Variants in ZNF799 observed in about 807,000 individuals in gnomAD.
ZNF799 encodes zinc finger protein 14.
In ZNF799, 28 loss-of-function variants were observed where a neutral mutation model predicts 41.0. That is an observed-to-expected ratio of 0.68 (90% CI 0.51 to 0.94). The LOEUF (loss-of-function observed/expected upper bound fraction) is 0.94, where lower values mean the gene tolerates loss of function less well. ZNF799 is among the 40% of genes least tolerant of loss of function. ZNF799 has a pLI of 0.00. For synonymous variants in ZNF799, 213 were observed against 252.9 expected (o/e 0.84, Z 1.50); for missense variants, 716 against 764.3 (o/e 0.94, Z 0.74).
At chr19:12,402,459 C>T (rs1298364902), upstream of ZNF799, among the ~76,000 whole-genome samples, 2 of 128,522 alleles carry the variant, frequency 1.6e-5, no homozygotes. Context: ...GCTGGGACTT[C>T]GAGTACTGTG....
chr19:12,413,380 T>C, the ZNF799 span, among the ~76,000 whole-genome samples: 4 of 152,176 alleles, frequency 2.6e-5, no homozygotes, highest in African/African-American at 9.7e-5. Flanking sequence ...AATTTGCTGG[T>C]GTGTCTTCCT....
At position 12,390,956 on chromosome 19, in the gene ZNF799, C is replaced by T. The variant is rs1228774486; in HGVS notation, c.1442G>A (p.Cys481Tyr). The T allele has an allele frequency of 1.9e-6, 3 of 1,614,164 alleles. No individual in the cohort carries two copies. The highest frequency in any genetic ancestry group is 2.5e-6 in the Non-Finnish European group (3 of 1,180,012). ...TTGGAAACAACTGAATGCTTTCCCA[C>T]ATTCCTTACACTCATATGGCTTCTC... ...AGEKPYECKE[C>Y]GKAFSCFQYL... Residue 481 changes from cysteine (C) to tyrosine (Y), a missense_variant, in exon 4 of 4, where the codon TGT (cysteine) becomes TAT (tyrosine). Transcript: ENST00000430385.
At position 12,390,920 on chromosome 19, in the gene ZNF799, T is replaced by C. The variant is rs771089513; in HGVS notation, c.1478A>G (p.Gln493Arg). The C allele has an allele frequency of 8.7e-6, 14 of 1,613,618 alleles. No homozygotes were observed. The African/African-American group carries it at 1.6e-4, about 18-fold the overall frequency. Residue 493 changes from glutamine to arginine, a missense_variant, in exon 4 of 4, where the codon CAA becomes CGA. This residue lies in a region of ZNF799 where 698 missense variants were observed against 713.6 expected (regional missense o/e 0.98). Transcript: ENST00000430385. ...KAFSCFQYLS[Q>R]HRRTHTGEKP... ...CTCTCCTGTGTGAGTCCTTCTATGT[T>C]GAGAAAGGTATTGGAAACAACTGAA...
At position 12,391,725 on chromosome 19, in the gene ZNF799, A is replaced by T. The variant is rs767367380; in HGVS notation, c.673T>A (p.Tyr225Asn). Residue 225 changes from tyrosine to asparagine, a missense_variant, in exon 4 of 4, where the codon TAT (tyrosine) becomes AAT (asparagine). Transcript: ENST00000430385. ...HERTHTGEKP[Y>N]ECKQCSKAFS... ...GCTTTAGAACACTGCTTACATTCAT[A>T]TGGTTTCTCTCCAGTGTGCGTTCTC... 1 of 1,614,160 alleles carries T rather than the reference A, an allele frequency of 6.2e-7. No homozygotes were observed. The highest frequency in any genetic ancestry group is 1.1e-5 in the South Asian group (1 of 91,074).
Position 12,390,819 on chromosome 19 carries a change from A to C in ZNF799, c.1579T>G (p.Ser527Ala), listed in dbSNP as rs1276034027. ...TTACATTCATACGGCTTCTCTCCAG[A>C]GTGAATTCTTTCATGTACTTTTAAG... ...GNLKVHERIH[S>A]GEKPYECKEC... The change falls in exon 4 of 4, where the codon TCT becomes GCT. Residue 527 changes from serine (S) to alanine (A), a missense_variant. Physicochemically the swap from Ser to Ala is moderately conservative, Grantham distance 99. Coordinates refer to ENST00000430385, the MANE Select transcript of ZNF799 (RefSeq NM_001080821.3). The C allele has an allele frequency of 6.2e-7, 1 of 1,613,880 alleles. No homozygotes were observed. Among genetic ancestry groups the C allele is most frequent in the Non-Finnish European group, 8.5e-7 (1 of 1,179,926 alleles).
At chr19:12,394,408 C>G (rs1969866492) in intron 1 of ZNF799, 1 of 178,394 alleles carries the variant, frequency 5.6e-6, no homozygotes. Context: ...CAGGCTAAGA[C>G]AGCTACAAAG....
At chr19:12,407,643 T>C in the ZNF799 span, among the ~76,000 whole-genome samples, 4 of 152,154 alleles carry the variant, frequency 2.6e-5, no homozygotes, top group Non-Finnish European at 5.9e-5. Flanking sequence ...TCTGATGTAA[T>C]AGATGTTTGT....
At chr19:12,398,637 C>T (rs1204808619) in intron 1 of ZNF799, among the ~76,000 whole-genome samples, 1 of 152,134 alleles carries the variant, frequency 6.6e-6, no homozygotes, top group Non-Finnish European at 1.5e-5. Flanking sequence ...ATCTGTCAAA[C>T]CCATATAACA....
chr19:12,400,016 A>C (rs1969952705), intron 1 of ZNF799, among the ~76,000 whole-genome samples: 1 of 152,190 alleles, frequency 6.6e-6, no homozygotes. Context: ...CAAACTAGTG[A>C]AATATCGCCT....
upstream of ZNF799, among the ~76,000 whole-genome samples, chr19:12,405,655 T>G (rs1599611607): frequency 6.6e-6 from 1 of 152,172 alleles, no homozygotes; most frequent in Admixed American, 6.5e-5. Context: ...TAGACATCAG[T>G]GTCTACAATG....
chr19:12,405,877 T>A (rs1970025661), upstream of ZNF799, among the ~76,000 whole-genome samples: 1 of 152,130 alleles, frequency 6.6e-6, no homozygotes, highest in African/African-American at 2.4e-5. Context: ...CTGGACTTAC[T>A]GAATTAAAAC....
At chr19:12,402,619 T>A (rs937385401), upstream of ZNF799, among the ~76,000 whole-genome samples, 76 of 16,388 alleles carry the variant, frequency 4.6e-3, 1 homozygote, top group East Asian at 0.022. Flanking sequence ...TATACCCAGT[T>A]TTTTTTTAGG....
At chr19:12,396,430 A>G (rs1056838113) in intron 1 of ZNF799, among the ~76,000 whole-genome samples, 5 of 152,164 alleles carry the variant, frequency 3.3e-5, no homozygotes, top group African/African-American at 4.8e-5. Flanking sequence ...TGTGTGGATC[A>G]CCTGAGGCCA....
At chr19:12,411,294 A>G in the ZNF799 span, among the ~76,000 whole-genome samples, 62,522 of 151,962 alleles carry the variant, frequency 0.41, 14,325 homozygotes, top group Non-Finnish European at 0.52. Context: ...ACCACACATC[A>G]AGGCTTTGAA....
rs1163141526 is a variant in ZNF799, at chr19:12,401,158, C to T, written c.-88G>A. 5 of 1,609,032 alleles carry T rather than the reference C, an allele frequency of 3.1e-6. No individual in the cohort carries two copies. The South Asian group carries it at 3.3e-5, about 11-fold the overall frequency. ...CGGGACACAGGCTGCCACGGAACTT[C>T]CAGGTCGTCTCTTAGCTACAGAGCC... On this transcript the variant is annotated 5_prime_UTR_variant, in exon 1 of 4. Coordinates refer to ENST00000430385, the MANE Select transcript of ZNF799 (RefSeq NM_001080821.3).
At chr19:12,402,416 C>CTTTTTTTTTTT (rs745521629), upstream of ZNF799, among the ~76,000 whole-genome samples, 18 of 125,024 alleles carry the variant, frequency 1.4e-4, no homozygotes, top group South Asian at 2.5e-4. Flanking sequence ...CCCTTTATTT[C>CTTTTTTTTTTT]TTTTTTTTTT....
chr19:12,401,919 TACAATTAA>T (rs1367705850), upstream of ZNF799, among the ~76,000 whole-genome samples: 1 of 152,212 alleles, frequency 6.6e-6, no homozygotes, highest in African/African-American at 2.4e-5. Context: ...TATTTCAATG[TACAATTAA>T]ATTATTTTTT....
the ZNF799 span, among the ~76,000 whole-genome samples, chr19:12,409,458 G>A: frequency 6.6e-6 from 1 of 152,090 alleles, no homozygotes; most frequent in Admixed American, 6.6e-5. Context: ...AGTTGAAGGA[G>A]AACAATTCCC....
the ZNF799 span, among the ~76,000 whole-genome samples, chr19:12,410,110 T>C: frequency 1.1e-3 from 163 of 152,060 alleles, no homozygotes; most frequent in South Asian, 3.7e-3. Context: ...ATCATGCTAC[T>C]GCACTCCACC....
Sources: gnomAD v4.1 joint callset for allele counts (sites outside exome capture counted in the v4.1 genomes callset) on GRCh38, gnomAD v4.1.1 for gene constraint, gnomAD v4.1.1 regional missense constraint, MANE v1.5 for transcripts, NCBI Gene and HGNC (gene_info 2026-07-23, HGNC 2026-07-21) for gene names.